The following AGBL4 variants were observed in gnomAD, a reference collection of about 807,000 sequenced individuals.
AGBL4 encodes AGBL carboxypeptidase 4, also known as cytosolic carboxypeptidase 6.
A neutral mutation model predicts 66.4 loss-of-function variants in AGBL4; 58 were observed. The ratio of observed to expected loss-of-function variants is 0.87; its 90% CI spans 0.71 to 1.09. AGBL4 has a LOEUF of 1.09. Among genes scored for constraint, AGBL4 ranks in the 50% least tolerant of loss-of-function variants. AGBL4 has a pLI of 0.00. For synonymous variants in AGBL4, 234 were observed against 222.9 expected, an observed-to-expected ratio of 1.05 and a Z score of -0.44; for missense variants, 579 against 631.0, an observed-to-expected ratio of 0.92 and a Z score of 0.88.
rs71056687 is a variant in AGBL4, at chr1:49,206,859, T to TGGAGAGGAGA, written c.377+38901_377+38910dup. 8.6e-3 allele frequency among the ~76,000 whole-genome samples: 551 copies of TGGAGAGGAGA among 63,868 alleles called. 6 individuals are homozygous for TGGAGAGGAGA. The highest frequency in any genetic ancestry group is 0.016 in the African/African-American group (232 of 14,282). 41.9% of individuals were successfully genotyped at this position (63,868 alleles called of 152,430 possible). On this transcript the variant is annotated intron_variant, in intron 4 of 13. Coordinates refer to ENST00000371839, the MANE Select transcript of AGBL4 (RefSeq NM_032785.4). The stretch of plus-strand genomic sequence containing the variant: ...AACTTTCTGAGCATTAGACTTTAGA[T>TGGAGAGGAGA]GGAGAGGAGAGGAGAGGAGAGGAGA...
intron 1 of AGBL4, among the ~76,000 whole-genome samples, chr1:49,869,502 CTAAA>C (rs2148108658): frequency 6.6e-6 from 1 of 152,234 alleles, no homozygotes; most frequent in Admixed American, 6.5e-5. Context: ...AAACAGAAAA[CTAAA>C]TACCACATGT....
At position 49,572,631 on chromosome 1, in the gene AGBL4, T is replaced by C. The variant is rs537073387; in HGVS notation, c.282+124682A>G. 2.9e-4 allele frequency among the ~76,000 whole-genome samples: 44 copies of C among 152,344 alleles called. 2 individuals are homozygous for C. In the South Asian group the frequency reaches 8.5e-3, roughly 29 times the overall value. On this transcript the variant is annotated intron_variant, in intron 3 of 13. Transcript: ENST00000371839. ...CATTTCTTCTAGATTTTCTAGTTTA[T>C]TTGCATAGAGCTATTTATAGTATTC...
At chr1:50,016,923 A>G (rs1161172245) in intron 1 of AGBL4, among the ~76,000 whole-genome samples, 7 of 152,170 alleles carry the variant, frequency 4.6e-5, no homozygotes, top group Non-Finnish European at 8.8e-5. Flanking sequence ...TGATCTAGCA[A>G]TCCCACTACT....
intron 1 of AGBL4, among the ~76,000 whole-genome samples, chr1:50,004,551 A>G (rs749178745): frequency 3.9e-5 from 6 of 152,180 alleles, no homozygotes; most frequent in Middle Eastern, 3.4e-3. Context: ...CTCAAGAGGA[A>G]CTTTCTCTTG....
chr1:48,700,744 T>C (rs1203766423), intron 6 of AGBL4, among the ~76,000 whole-genome samples: 1 of 152,208 alleles, frequency 6.6e-6, no homozygotes, highest in African/African-American at 2.4e-5. Flanking sequence ...AGACCTCATA[T>C]ACACTACCTC....
chr1:49,483,950 A>T (rs1224101230), intron 3 of AGBL4, among the ~76,000 whole-genome samples: 1 of 152,080 alleles, frequency 6.6e-6, no homozygotes, highest in Non-Finnish European at 1.5e-5. Context: ...AGATCTGAAT[A>T]TACATCTCTC....
At chr1:49,024,613 G>C (rs1328508473) in intron 5 of AGBL4, among the ~76,000 whole-genome samples, 3 of 152,138 alleles carry the variant, frequency 2.0e-5, no homozygotes, top group Admixed American at 2.0e-4. Context: ...GTTGCTGAAG[G>C]TTTGACTGAG....
intron 6 of AGBL4, among the ~76,000 whole-genome samples, chr1:48,690,849 G>A (rs1347109359): frequency 6.6e-6 from 1 of 152,056 alleles, no homozygotes; most frequent in Non-Finnish European, 1.5e-5. Flanking sequence ...AAAGTAAAAA[G>A]AAACAAGTGA....
At chr1:49,657,293 C>T (rs1410530273) in intron 3 of AGBL4, among the ~76,000 whole-genome samples, 13 of 152,182 alleles carry the variant, frequency 8.5e-5, no homozygotes, top group Non-Finnish European at 1.3e-4. Context: ...AGGAATCCAA[C>T]TTACAAGGGA....
intron 3 of AGBL4, among the ~76,000 whole-genome samples, chr1:49,364,038 C>T (rs1644194215): frequency 6.6e-6 from 1 of 152,166 alleles, no homozygotes; most frequent in East Asian, 1.9e-4. Context: ...AATGACAAGT[C>T]AATCTGTGTC....
At chr1:49,327,253 T>TG (rs939356353) in intron 3 of AGBL4, among the ~76,000 whole-genome samples, 1 of 152,104 alleles carries the variant, frequency 6.6e-6, no homozygotes, top group Non-Finnish European at 1.5e-5. Flanking sequence ...GGACATTTTG[T>TG]GGGGGGGCCT....
intron 6 of AGBL4, among the ~76,000 whole-genome samples, chr1:48,844,360 C>T (rs1051921664): frequency 7.9e-5 from 12 of 152,208 alleles, no homozygotes; most frequent in African/African-American, 2.9e-4. Context: ...TGATTTCTCA[C>T]TCCTCTGCAA....
chr1:49,114,394 C>T lies in AGBL4; in HGVS notation c.378-68594G>A, dbSNP rs1404114204. The stretch of plus-strand genomic sequence containing the variant: ...AGTTAGAGCCTTGATCTGGATTAGG[C>T]TTTGGCTTAAGGAAATGTTGTGGCT... On this transcript the variant is annotated intron_variant, in intron 4 of 13. Transcript: ENST00000371839. Among the ~76,000 whole-genome samples the T allele has an allele frequency of 7.9e-5, 12 of 152,310 alleles. No homozygotes were observed. The South Asian group carries it at 2.3e-3, about 29-fold the overall frequency.
In AGBL4 at chr1:49,742,078, A is replaced by G. The variant is rs868250140; in HGVS notation, c.158-44641T>C. ...CAATTAGGCAGGAGAAGGAAATAAAAGGCATTCAATTAGGAAGAGAGGAAG... is the reference window on the plus strand; with the variant it reads ...CAATTAGGCAGGAGAAGGAAATAAAGGGCATTCAATTAGGAAGAGAGGAAG... On this transcript the variant is annotated intron_variant, in intron 2 of 13. Coordinates refer to ENST00000371839, the MANE Select transcript of AGBL4 (RefSeq NM_032785.4). Among the ~76,000 whole-genome samples, 437 of 152,262 alleles carry G rather than the reference A, an allele frequency of 2.9e-3. 3 individuals carry two copies. The highest frequency in any genetic ancestry group is 1.0e-2 in the South Asian group (48 of 4,810).
At chr1:49,924,596 T>G (rs2148248200) in intron 1 of AGBL4, among the ~76,000 whole-genome samples, 1 of 152,220 alleles carries the variant, frequency 6.6e-6, no homozygotes, top group African/African-American at 2.4e-5. Flanking sequence ...ACTGCATAGG[T>G]GTATGAATAA....
At chr1:49,974,982 T>C (rs984015217) in intron 1 of AGBL4, among the ~76,000 whole-genome samples, 22 of 152,208 alleles carry the variant, frequency 1.4e-4, no homozygotes, top group Admixed American at 3.9e-4. Flanking sequence ...ATACATTATA[T>C]ACATTTTTAA....
At chr1:49,629,883 TGGGGG>T (rs1281965806) in intron 3 of AGBL4, among the ~76,000 whole-genome samples, 2 of 152,132 alleles carry the variant, frequency 1.3e-5, no homozygotes, top group South Asian at 4.1e-4. Flanking sequence ...TAGTGACTTT[TGGGGG>T]GAAATCAACC....
intron 2 of AGBL4, among the ~76,000 whole-genome samples, chr1:49,789,572 C>T (rs1481875801): frequency 6.6e-6 from 1 of 152,180 alleles, no homozygotes; most frequent in Non-Finnish European, 1.5e-5. Flanking sequence ...CATGAGTGAA[C>T]TCCCATTCAT....
At chr1:49,197,828 G>C (rs1647351616) in intron 4 of AGBL4, among the ~76,000 whole-genome samples, 1 of 152,168 alleles carries the variant, frequency 6.6e-6, no homozygotes, top group South Asian at 2.1e-4. Context: ...TCCATGGCTA[G>C]AGTCCACACT....
Sources: gnomAD v4.1 joint callset for allele counts (sites outside exome capture counted in the v4.1 genomes callset) on GRCh38, gnomAD v4.1.1 for gene constraint, MANE v1.5 for transcripts, NCBI Gene and HGNC (gene_info 2026-07-23, HGNC 2026-07-21) for gene names.